The following ABCC6 variants were observed in gnomAD, a reference collection of about 807,000 sequenced individuals.
ABCC6 encodes the protein ATP-binding cassette sub-family C member 6.
ABCC6 carries 126 observed loss-of-function variants against 169.5 expected under a neutral mutation model. The ratio of observed to expected loss-of-function variants is 0.74; its 90% CI spans 0.64 to 0.86. ABCC6 has a LOEUF of 0.86. Among genes scored for constraint, ABCC6 ranks in the 40% least tolerant of loss-of-function variants. The pLI is 0.00. For missense variants in ABCC6, 1,733 were observed against 1,927.2 expected, an observed-to-expected ratio of 0.90 and a Z score of 1.89; for synonymous variants, 752 against 814.7, an observed-to-expected ratio of 0.92 and a Z score of 1.31.
At chr16:16,169,950 T>G (rs2047005166) in intron 21 of ABCC6, 97 bp from the exon 22 acceptor site, 2 of 1,256,306 alleles carry the variant, frequency 1.6e-6, no homozygotes, top group Non-Finnish European at 2.3e-6. Context: ...AACATGCCCA[T>G]GGCAGATGGG....
chr16:16,177,708 C>G lies in ABCC6; in HGVS notation c.2416-82G>C, dbSNP rs2047328710. The G allele has an allele frequency of 3.9e-6, 6 of 1,546,296 alleles. No individual in the cohort carries two copies. The African/African-American group carries it at 6.8e-5, about 17-fold the overall frequency. On this transcript the variant is annotated intron_variant, in intron 18 of 30. Coordinates refer to ENST00000205557, the MANE Select transcript of ABCC6 (RefSeq NM_001171.6). ...CTGTAATCCCAACACTTTGGGAAGC[C>G]AAAGCATGTGGATCACTTGAGGCCA...
intron 9 of ABCC6, among the ~76,000 whole-genome samples, chr16:16,200,099 A>T (rs62030354): frequency 0.36 from 54,576 of 150,852 alleles, 10,492 homozygotes; most frequent in Admixed American, 0.44. Context: ...AATATTTCTA[A>T]AACTCATGCT....
At position 16,191,895 on chromosome 16, in the gene ABCC6, G is replaced by C. The variant is rs145623500; in HGVS notation, c.1431+935C>G. On this transcript the variant is annotated intron_variant, in intron 11 of 30. Transcript: ENST00000205557. ...CTGCCAAGCACTAACTAGATGCCGAGTTGGCCACAATCAGTGGCCTGTGCT... is the reference window on the plus strand; with the variant it reads ...CTGCCAAGCACTAACTAGATGCCGACTTGGCCACAATCAGTGGCCTGTGCT... 2.6e-5 allele frequency among the ~76,000 whole-genome samples: 4 copies of C among 152,228 alleles called. No homozygotes were observed. The East Asian group carries it at 7.7e-4, about 29-fold the overall frequency.
chr16:16,187,292 G>T, intron 13 of ABCC6, 81 bp from the exon 14 acceptor site: 1 of 1,164,854 alleles, frequency 8.6e-7, no homozygotes. Context: ...CAAGATGTGT[G>T]GCAACAGCTT....
At chr16:16,196,950 C>A (rs566061635) in intron 10 of ABCC6, among the ~76,000 whole-genome samples, 1 of 152,104 alleles carries the variant, frequency 6.6e-6, no homozygotes, top group Non-Finnish European at 1.5e-5. Context: ...ACCTCACCCC[C>A]CAAATTGCTG....
At chr16:16,174,789 A>G (rs1037992504) in intron 20 of ABCC6, among the ~76,000 whole-genome samples, 5 of 138,142 alleles carry the variant, frequency 3.6e-5, no homozygotes, top group Non-Finnish European at 7.7e-5. Context: ...AAAAAACCTC[A>G]GACACATTAA....
At chr16:16,217,489 C>T (rs570997026) in intron 4 of ABCC6, among the ~76,000 whole-genome samples, 80 of 152,150 alleles carry the variant, frequency 5.3e-4, no homozygotes, top group Non-Finnish European at 1.0e-3. Flanking sequence ...GTGGAAAGAT[C>T]GCTTGAGCCC....
chr16:16,151,086 A>G (rs2046374827), intron 29 of ABCC6, among the ~76,000 whole-genome samples: 1 of 147,484 alleles, frequency 6.8e-6, no homozygotes, highest in African/African-American at 2.5e-5. Flanking sequence ...TTTTTTTGAG[A>G]CGGAGTCTTG....
At chr16:16,183,209 CCA>C (rs370627281) in intron 15 of ABCC6, among the ~76,000 whole-genome samples, 2 of 151,988 alleles carry the variant, frequency 1.3e-5, no homozygotes, top group African/African-American at 4.8e-5. Flanking sequence ...GGGCACGCAT[CCA>C]CACACACACA....
Position 16,169,554 on chromosome 16 carries a change from A to G in ABCC6, c.2995+92T>C. ...GTTTTGCACACTGTTCCAGGGGGAC[A>G]GGGTGACCCAGGGAGGGGTGGGGTA... is the stretch of plus-strand genomic sequence containing the variant. On this transcript the variant is annotated intron_variant, in intron 22 of 30. Coordinates refer to ENST00000205557, the MANE Select transcript of ABCC6 (RefSeq NM_001171.6). 4.9e-6 allele frequency: 7 copies of G among 1,436,520 alleles called. No homozygotes were observed. The South Asian group carries it at 8.4e-5, about 17-fold the overall frequency. 89.0% of individuals were successfully genotyped at this position (1,436,520 alleles called of 1,614,324 possible). A position where few individuals can be genotyped will look rare whatever the true frequency, so the allele number is the denominator to read the frequency against.
At chr16:16,213,933 C>G (rs2048748706) in intron 5 of ABCC6, among the ~76,000 whole-genome samples, 1 of 148,134 alleles carries the variant, frequency 6.8e-6, no homozygotes, top group South Asian at 2.2e-4. Context: ...TACGTGAGAA[C>G]AGAAACTCTA....
At chr16:16,162,673 C>T (rs1194200035) in intron 24 of ABCC6, among the ~76,000 whole-genome samples, 4 of 152,178 alleles carry the variant, frequency 2.6e-5, no homozygotes, top group African/African-American at 7.2e-5. Flanking sequence ...GTGCTTAAAG[C>T]TTGTGTTCTT....
chr16:16,153,682 T>G (rs1045736149), intron 29 of ABCC6, among the ~76,000 whole-genome samples: 3 of 151,986 alleles, frequency 2.0e-5, no homozygotes, highest in African/African-American at 7.3e-5. Context: ...CCCAGCACTT[T>G]GGGAGGCCTA....
chr16:16,190,092 C>T, intron 12 of ABCC6, 72 bp downstream of exon 12: 2 of 1,551,138 alleles, frequency 1.3e-6, no homozygotes, highest in Non-Finnish European at 1.8e-6. Flanking sequence ...GGGGCTCCAC[C>T]TACCTCACCC....
chr16:16,179,749 C>A (rs1053080355), intron 17 of ABCC6, among the ~76,000 whole-genome samples: 3 of 152,142 alleles, frequency 2.0e-5, no homozygotes, highest in Non-Finnish European at 4.4e-5. Context: ...CACTACCACG[C>A]CTGGCTAGTT....
At chr16:16,153,918 A>G (rs1280260064) in intron 29 of ABCC6, among the ~76,000 whole-genome samples, 1 of 148,450 alleles carries the variant, frequency 6.7e-6, no homozygotes, top group Admixed American at 6.7e-5. Flanking sequence ...GAAAAAGAAA[A>G]AAAAAAAAAA....
intron 1 of ABCC6, 48 bp from the exon 2 acceptor site, chr16:16,221,879 C>G (rs1386272017): frequency 2.5e-6 from 4 of 1,611,980 alleles, no homozygotes; most frequent in Non-Finnish European, 3.4e-6. Flanking sequence ...GGCAGGGGTC[C>G]CCAGCTCACC....
At position 16,169,817 on chromosome 16, in the gene ABCC6, C is replaced by T. The variant is rs375592383; in HGVS notation, c.2824G>A (p.Val942Met). 1.5e-5 allele frequency: 24 copies of T among 1,563,282 alleles called. No individual in the cohort carries two copies. The highest frequency in any genetic ancestry group is 3.5e-5 in the South Asian group (3 of 85,218). ...ATVHLAYLRA[V>M]GTPLCLYALF... ...GCGTAGAGGCAGAGGGGGGTGCCCACGGCACGCAGGTAGGCCAGGTGCACT... is the reference window on the plus strand; with the variant it reads ...GCGTAGAGGCAGAGGGGGGTGCCCATGGCACGCAGGTAGGCCAGGTGCACT... The change falls in exon 22 of 31, where the codon GTG (valine) becomes ATG (methionine). Residue 942 changes from valine to methionine, a missense_variant. Val to Met is a conservative substitution (Grantham distance 21). Transcript: ENST00000205557.
At position 16,177,407 on chromosome 16, in the gene ABCC6, G is replaced by A. The variant is rs61018241; in HGVS notation, c.2590+45C>T. On this transcript the variant is annotated intron_variant, in intron 19 of 30. Transcript: ENST00000205557. ...ACCCTTCGAGCCTTTTCCCCCAAGG[G>A]TGGCAGGAGCCAGGCCTGGAGAATC... is the stretch of plus-strand genomic sequence containing the variant. The A allele has an allele frequency of 2.4e-4, 390 of 1,611,460 alleles. 4 individuals carry two copies. In the East Asian group the frequency reaches 8.1e-3, roughly 34 times the overall value.
Sources: allele counts gnomAD v4.1 joint callset (sites outside exome capture counted in the v4.1 genomes callset), GRCh38; gene constraint gnomAD v4.1.1; transcripts MANE v1.5; gene names NCBI Gene and HGNC (gene_info 2026-07-23, HGNC 2026-07-21).